The following FAM3A variants were observed in gnomAD, a reference collection of about 807,000 sequenced individuals.
The protein encoded by FAM3A is FAM3 metabolism regulating signaling molecule A, also known as protein FAM3A.
A neutral mutation model predicts 18.1 loss-of-function variants in FAM3A; 5 were observed. That is an observed-to-expected ratio of 0.28 (90% CI 0.14 to 0.58). The LOEUF is 0.58. FAM3A is among the 20% of genes least tolerant of loss of function. The probability of loss-of-function intolerance (pLI) is 0.91; values close to 1 mark genes in which losing one functional copy is unlikely to be tolerated. For synonymous variants in FAM3A, 108 were observed against 90.2 expected (o/e 1.20, Z -1.12); for missense variants, 154 against 216.6 (o/e 0.71, Z 1.81).
intron 6 of FAM3A, 26 bp from the exon 7 acceptor site, chrX:154,507,516 G>A (rs1557219642): frequency 8.5e-7 from 1 of 1,175,714 alleles, no homozygotes; most frequent in African/African-American, 1.8e-5. Context: ...CCACGGAACA[G>A]GGGTCATCAG....
At chrX:154,508,745 G>T in intron 3 of FAM3A, 148 bp from the exon 4 acceptor site, 1 of 682,096 alleles carries the variant, frequency 1.5e-6, no homozygotes, top group Non-Finnish European at 2.3e-6. Flanking sequence ...CGAGGCTGGG[G>T]ACACTTCCAT....
At chrX:154,511,906 C>T (rs1485235407) in intron 2 of FAM3A, 35 bp from the exon 3 acceptor site, 2 of 1,184,304 alleles carry the variant, frequency 1.7e-6, no homozygotes, top group African/African-American at 3.5e-5. Flanking sequence ...TAGTGTGGAG[C>T]CTCCCGGGGC....
intron 3 of FAM3A, chrX:154,511,506 G>T (rs1328204971): frequency 2.7e-5 from 6 of 220,494 alleles, no homozygotes; most frequent in Non-Finnish European, 5.0e-5. Context: ...AGGCCCAGAA[G>T]AAAGAATCTC....
rs1184849352 is a variant in FAM3A, at chrX:154,506,517, C to T, written c.*294G>A. 10 of 324,615 alleles carry T rather than the reference C, an allele frequency of 3.1e-5. No individual in the cohort carries two copies. Among genetic ancestry groups the T allele is most frequent in the African/African-American group, 1.3e-4 (5 of 37,900 alleles). The allele number at this position is 324,615 out of a possible 1,213,427, so 26.8% of individuals were successfully genotyped here. A position where few individuals can be genotyped will look rare whatever the true frequency, so the allele number is the denominator to read the frequency against. ...GGACTCAAGATGGGGATGGAGATGG[C>T]GTGAGGAATGGAGGACAGGGCTAGA... is the stretch of plus-strand genomic sequence containing the variant. On this transcript the variant is annotated 3_prime_UTR_variant, in exon 9 of 9. Transcript: ENST00000447601.
rs2069526845 is a variant in FAM3A at position 154,506,490 on chromosome X, C to T, written c.*321G>A. The T allele has an allele frequency of 1.4e-5, 4 of 289,155 alleles. No homozygotes were observed. Among genetic ancestry groups the T allele is most frequent in the Admixed American group, 5.0e-5 (1 of 20,024 alleles). The allele number at this position is 289,155 out of a possible 1,213,427, so 23.8% of individuals were successfully genotyped here. ...GAGGGGCAGGCACCCAGGGCCGTTCCAGGACTCAAGATGGGGATGGAGATG... is the reference window on the plus strand; with the variant it reads ...GAGGGGCAGGCACCCAGGGCCGTTCTAGGACTCAAGATGGGGATGGAGATG... On this transcript the variant is annotated 3_prime_UTR_variant, in exon 9 of 9. Coordinates refer to ENST00000447601, the MANE Select transcript of FAM3A (RefSeq NM_021806.4).
chrX:154,515,847 TG>T lies in FAM3A; in HGVS notation c.-76del. The stretch of plus-strand genomic sequence containing the variant: ...GGCAAAGCGGAAGGACAGGTTTGGG[TG>T]GGGGTCAGGGGCAAGCCTGTGCGGG... On this transcript the variant is annotated 5_prime_UTR_variant, in exon 1 of 9. Transcript: ENST00000447601. 9.1e-7 allele frequency: 1 copy of T among 1,101,379 alleles called. No individual in the cohort carries two copies. Among genetic ancestry groups the T allele is most frequent in the South Asian group, 1.8e-5 (1 of 54,258 alleles). 90.8% of individuals were successfully genotyped at this position (1,101,379 alleles called of 1,213,427 possible).
intron 1 of FAM3A, 56 bp downstream of exon 1, chrX:154,515,704 G>A: frequency 3.4e-6 from 4 of 1,184,727 alleles, no homozygotes; most frequent in Non-Finnish European, 4.6e-6. Context: ...GCGACGCTGG[G>A]CCTCCAGCCA....
intron 5 of FAM3A, 106 bp downstream of exon 5, chrX:154,508,183 C>T: frequency 4.9e-6 from 3 of 618,507 alleles, no homozygotes; most frequent in Admixed American, 4.0e-5. Flanking sequence ...CCAGGCCTCC[C>T]TGGGAGATCT....
In FAM3A at chrX:154,512,634, A is replaced by C. The variant is rs781831388; in HGVS notation, c.127+189T>G. On this transcript the variant is annotated intron_variant, in intron 2 of 8. Coordinates refer to ENST00000447601, the MANE Select transcript of FAM3A (RefSeq NM_021806.4). Reference sequence around the variant, plus strand: ...CTAGTGATCAGGTATTGGCTTTCCTAGATGAAGCAACTGGGTGTTGGGGGA... The same window carrying C: ...CTAGTGATCAGGTATTGGCTTTCCTCGATGAAGCAACTGGGTGTTGGGGGA... Among the ~76,000 whole-genome samples, 125 of 111,417 alleles carry C rather than the reference A, an allele frequency of 1.1e-3. 1 individual carries two copies. Among genetic ancestry groups the C allele is most frequent in the African/African-American group, 3.9e-3 (119 of 30,635 alleles).
intron 2 of FAM3A, chrX:154,512,472 A>C: frequency 4.1e-6 from 1 of 242,245 alleles, no homozygotes; most frequent in Non-Finnish European, 7.4e-6. Context: ...CAGGTGACCT[A>C]TTACCAGTCA....
chrX:154,506,283 A>G lies in FAM3A; in HGVS notation c.*528T>C, dbSNP rs1302837119. The G allele has an allele frequency of 8.9e-6, 1 of 112,619 alleles. No individual in the cohort carries two copies. The highest frequency in any genetic ancestry group is 3.3e-5 in the African/African-American group (1 of 30,616). 9.3% of individuals were successfully genotyped at this position (112,619 alleles called of 1,213,427 possible). The stretch of plus-strand genomic sequence containing the variant: ...TCACCACCCCGGGCCAGCCTGCTCC[A>G]GGGGTCCCTTCCTGCTGAGAGCAGG... On this transcript the variant is annotated 3_prime_UTR_variant, in exon 9 of 9. Transcript: ENST00000447601.
At position 154,511,858 on chromosome X, in the gene FAM3A, C is replaced by A. The variant is rs782199811; in HGVS notation, c.141G>T (p.Ser47=). 8.3e-7 allele frequency: 1 copy of A among 1,209,914 alleles called. No individual in the cohort carries two copies. The highest frequency in any genetic ancestry group is 1.1e-6 in the Non-Finnish European group (1 of 894,472). The change falls in exon 3 of 9, where the codon TCG becomes TCT. Residue 47 remains serine, a synonymous_variant. Coordinates refer to ENST00000447601, the MANE Select transcript of FAM3A (RefSeq NM_021806.4). ...IQQLFTSPES[S]VTAAPRARKY... ...TGACAGGGGCCTTACCTGCAGTCACCGAGCTCTCTGGACCTGTGGATACAG... is the reference window on the plus strand; with the variant it reads ...TGACAGGGGCCTTACCTGCAGTCACAGAGCTCTCTGGACCTGTGGATACAG...
rs1470983992 is a variant in FAM3A, at chrX:154,511,829, G to A, written c.151+19C>T. 7.5e-6 allele frequency: 9 copies of A among 1,202,435 alleles called. No homozygotes were observed. Among genetic ancestry groups the A allele is most frequent in the Non-Finnish European group, 7.9e-6 (7 of 888,923 alleles). ...GGATGTCACAAAGGGGAGGAGCAGG[G>A]AGGTGACAGGGGCCTTACCTGCAGT... On this transcript the variant is annotated intron_variant, in intron 3 of 8. Coordinates refer to ENST00000447601, the MANE Select transcript of FAM3A (RefSeq NM_021806.4).
At chrX:154,509,816 G>T (rs781957295) in intron 3 of FAM3A, 1 of 112,126 alleles carries the variant, frequency 8.9e-6, no homozygotes, top group African/African-American at 3.2e-5. Flanking sequence ...ACCTCAAAAA[G>T]GCCCTCCTCT....
In FAM3A at chrX:154,516,015, A is replaced by T; in HGVS notation, c.-243T>A. The T allele has an allele frequency of 2.4e-6, 1 of 415,757 alleles. No homozygotes were observed. The highest frequency in any genetic ancestry group is 4.2e-6 in the Non-Finnish European group (1 of 238,333). 34.3% of individuals were successfully genotyped at this position (415,757 alleles called of 1,213,427 possible). A position where few individuals can be genotyped will look rare whatever the true frequency, so the allele number is the denominator to read the frequency against. The stretch of plus-strand genomic sequence containing the variant: ...AACCCGTTGGCTCACGATCTTGCCC[A>T]CAGGAGCCTCCGGGGCTGGGACGAA... On this transcript the variant is annotated 5_prime_UTR_variant, in exon 1 of 9. Transcript: ENST00000447601.
rs149966237 is a variant in FAM3A, at chrX:154,507,483, G to A, written c.393C>T (p.Asn131=). The change falls in exon 7 of 9, where the codon AAC becomes AAT. Residue 131 remains asparagine (N), a synonymous_variant. Coordinates refer to ENST00000447601, the MANE Select transcript of FAM3A (RefSeq NM_021806.4). ...GTGGCCGAATAAACTTCAACAGGTCGTTGACATCTGGGGGGGCAGGTGCCA... is the reference window on the plus strand; with the variant it reads ...GTGGCCGAATAAACTTCAACAGGTCATTGACATCTGGGGGGGCAGGTGCCA... ...RAFDMWAGDV[N]DLLKFIRPLH... is the part of the protein sequence containing the mutation. The A allele has an allele frequency of 3.9e-3, 4,675 of 1,208,016 alleles. 5 individuals carry two copies. Among genetic ancestry groups the A allele is most frequent in the Non-Finnish European group, 4.6e-3 (4,156 of 894,603 alleles).
intron 8 of FAM3A, 129 bp downstream of exon 8, chrX:154,507,074 G>A (rs2069576534): frequency 5.1e-6 from 5 of 974,746 alleles, no homozygotes; most frequent in Non-Finnish European, 7.0e-6. Context: ...AGCTGCACTG[G>A]CCCACCCCTC....
At position 154,507,493 on chromosome X, in the gene FAM3A, G is replaced by T; in HGVS notation, c.386-3C>A. The T allele has an allele frequency of 1.7e-6, 2 of 1,205,983 alleles. No homozygotes were observed. Among genetic ancestry groups the T allele is most frequent in the South Asian group, 1.8e-5 (1 of 56,617 alleles). ...AAACTTCAACAGGTCGTTGACATCT[G>T]GGGGGGCAGGTGCCACGGAACAGGG... On this transcript the variant is annotated splice_region_variant and splice_polypyrimidine_tract_variant and intron_variant, in intron 6 of 8. Transcript: ENST00000447601.
rs782658047 is a variant in FAM3A, at chrX:154,506,873, C to T, written c.631G>A (p.Glu211Lys). 6.6e-6 allele frequency: 8 copies of T among 1,211,828 alleles called. No homozygotes were observed. The highest frequency in any genetic ancestry group is 2.3e-4 in the Middle Eastern group (1 of 4,353). Residue 211 changes from glutamate to lysine, a missense_variant, in exon 9 of 9, where the codon GAA (glutamate) becomes AAA (lysine). Physicochemically the swap from Glu to Lys is moderately conservative, Grantham distance 56. Around this residue, in one of 3 missense-constraint regions of FAM3A, gnomAD observed 39 missense variants for 38.5 expected, o/e 1.01. Coordinates refer to ENST00000447601, the MANE Select transcript of FAM3A (RefSeq NM_021806.4). ...VKNSKHSNKYEGWPEALEMEG... is the reference protein window; with the variant it reads ...VKNSKHSNKYKGWPEALEMEG... ...ATCTCCAGCGCCTCGGGCCAGCCTTCGTACTTGTTGCTGTGCTTACTGTTC... is the reference window on the plus strand; with the variant it reads ...ATCTCCAGCGCCTCGGGCCAGCCTTTGTACTTGTTGCTGTGCTTACTGTTC...
Sources: gnomAD v4.1 joint callset for allele counts (sites outside exome capture counted in the v4.1 genomes callset) on GRCh38, gnomAD v4.1.1 for gene constraint, gnomAD v4.1.1 regional missense constraint, MANE v1.5 for transcripts, NCBI Gene and HGNC (gene_info 2026-07-23, HGNC 2026-07-21) for gene names.